Variants in DDAH1 observed in about 807,000 individuals in gnomAD.
The protein encoded by DDAH1 is N(G),N(G)-dimethylarginine dimethylaminohydrolase 1.
DDAH1 carries 19 observed loss-of-function variants against 28.8 expected under a neutral mutation model. That is an observed-to-expected ratio of 0.66 (90% CI 0.46 to 0.97). The LOEUF (loss-of-function observed/expected upper bound fraction) is 0.97. Among genes scored for constraint, DDAH1 ranks in the 50% least tolerant of loss-of-function variants. The pLI is 0.00. For missense variants in DDAH1, 326 were observed against 375.9 expected, an observed-to-expected ratio of 0.87 and a Z score of 1.10; for synonymous variants, 153 against 154.4, an observed-to-expected ratio of 0.99 and a Z score of 0.07.
chr1:85,465,306 G>A (rs2100695748), upstream of DDAH1: 3 of 786,930 alleles, frequency 3.8e-6, no homozygotes, highest in African/African-American at 1.9e-5. Context: ...TTGTAGCGGC[G>A]AGCGCCGGGC....
At chr1:85,552,866 G>A (rs1658838043) in intron 1 of DDAH1, among the ~76,000 whole-genome samples, 1 of 152,028 alleles carries the variant, frequency 6.6e-6, no homozygotes, top group African/African-American at 2.4e-5. Flanking sequence ...CTCTTCTATA[G>A]GTAGCCTCGC....
chr1:85,378,610 T>C (rs1343415662), intron 1 of DDAH1, among the ~76,000 whole-genome samples: 1 of 152,152 alleles, frequency 6.6e-6, no homozygotes, highest in African/African-American at 2.4e-5. Flanking sequence ...GTTTTCACCA[T>C]GTTGCCCAGG....
intron 5 of DDAH1, 125 bp downstream of exon 5, chr1:85,324,615 T>C: frequency 3.6e-6 from 4 of 1,102,014 alleles, no homozygotes; most frequent in Non-Finnish European, 5.2e-6. Flanking sequence ...AATTGTATTA[T>C]CCTTTCTTTT....
chr1:85,377,525 T>C (rs1251901452), intron 1 of DDAH1, among the ~76,000 whole-genome samples: 2 of 152,132 alleles, frequency 1.3e-5, no homozygotes, highest in African/African-American at 4.8e-5. Flanking sequence ...CATGGTACTC[T>C]GATATTAGGC....
At chr1:85,403,205 A>G (rs1652234373) in intron 1 of DDAH1, among the ~76,000 whole-genome samples, 1 of 145,664 alleles carries the variant, frequency 6.9e-6, no homozygotes, top group Non-Finnish European at 1.5e-5. Flanking sequence ...ATATGAATAT[A>G]TATATGAATA....
intron 1 of DDAH1, among the ~76,000 whole-genome samples, chr1:85,552,820 T>C (rs1392282904): frequency 6.6e-6 from 1 of 152,202 alleles, no homozygotes; most frequent in Non-Finnish European, 1.5e-5. Context: ...AAGTAGATTA[T>C]ATTTTCCAAA....
At chr1:85,350,361 A>T (rs1649127683) in intron 4 of DDAH1, 54 bp downstream of exon 4, 3 of 1,585,904 alleles carry the variant, frequency 1.9e-6, no homozygotes, top group Admixed American at 1.8e-5. Context: ...AATGTGAAAA[A>T]CCCTGTGGCA....
intron 1 of DDAH1, among the ~76,000 whole-genome samples, chr1:85,396,526 A>G (rs1557576939): frequency 6.6e-6 from 1 of 152,114 alleles, no homozygotes; most frequent in Non-Finnish European, 1.5e-5. Context: ...CCATGACCCA[A>G]ACACCTCCCA....
chr1:85,566,843 A>T (rs1468022837), intron 1 of DDAH1, among the ~76,000 whole-genome samples: 1 of 152,040 alleles, frequency 6.6e-6, no homozygotes, highest in Non-Finnish European at 1.5e-5. Context: ...TATTATAAGG[A>T]ATTGGCTTAT....
At chr1:85,548,682 A>G (rs1658700023) in intron 1 of DDAH1, among the ~76,000 whole-genome samples, 2 of 152,206 alleles carry the variant, frequency 1.3e-5, no homozygotes, top group Admixed American at 6.5e-5. Flanking sequence ...AAATTCTATC[A>G]TTCTATAATT....
At chr1:85,438,080 G>C (rs1440926486) in intron 1 of DDAH1, among the ~76,000 whole-genome samples, 2 of 152,208 alleles carry the variant, frequency 1.3e-5, no homozygotes, top group African/African-American at 4.8e-5. Context: ...TGCAGAAACA[G>C]AAAACCAAAT....
chr1:85,500,135 TTTCTTTCTTTCTTTTC>T (rs1220641985), intron 1 of DDAH1, among the ~76,000 whole-genome samples: 6 of 55,714 alleles, frequency 1.1e-4, no homozygotes, highest in African/African-American at 2.4e-4. Context: ...TCTTTCTTTC[TTTCTTTCTTTCTTTTC>T]TTTCTTTCTT....
chr1:85,445,614 T>C (rs2100660628), intron 1 of DDAH1, among the ~76,000 whole-genome samples: 1 of 152,296 alleles, frequency 6.6e-6, no homozygotes, highest in Admixed American at 6.5e-5. Context: ...TTTACTTACC[T>C]ACTTATTTAT....
intron 1 of DDAH1, among the ~76,000 whole-genome samples, chr1:85,553,869 G>A (rs534162825): frequency 2.8e-4 from 43 of 152,318 alleles, no homozygotes; most frequent in Non-Finnish European, 5.3e-4. Flanking sequence ...AAAGGCTGCA[G>A]AGTTGGAGCT....
In DDAH1 at chr1:85,566,967, T is replaced by C. The variant is rs371943372; in HGVS notation, c.-123+11017A>G. The stretch of plus-strand genomic sequence containing the variant: ...CAGCAGGCTTGAAACCTATGAAGAA[T>C]CAATGTGTCAGATTGAGACTGAAGG... On this transcript the variant is annotated intron_variant, in intron 1 of 6. Coordinates refer to the DDAH1 transcript ENST00000426972. 5.3e-5 allele frequency among the ~76,000 whole-genome samples: 8 copies of C among 152,240 alleles called. No homozygotes were observed. In the South Asian group the frequency reaches 1.7e-3, roughly 32 times the overall value.
intron 1 of DDAH1, among the ~76,000 whole-genome samples, chr1:85,566,774 A>ATGTG (rs147913088): frequency 5.9e-5 from 9 of 151,552 alleles, no homozygotes; most frequent in African/African-American, 1.9e-4. Flanking sequence ...GTATGTATAT[A>ATGTG]TGTGTGTGTG....
At chr1:85,434,346 A>G (rs1435138879) in intron 1 of DDAH1, among the ~76,000 whole-genome samples, 1 of 151,760 alleles carries the variant, frequency 6.6e-6, no homozygotes, top group Admixed American at 6.6e-5. Flanking sequence ...TGACTATGAC[A>G]TTTCTTTAAT....
At chr1:85,329,258 A>G (rs887508455) in intron 4 of DDAH1, among the ~76,000 whole-genome samples, 6 of 152,210 alleles carry the variant, frequency 3.9e-5, no homozygotes, top group African/African-American at 1.4e-4. Flanking sequence ...CTCAGAAAGT[A>G]CCACGTGTCA....
chr1:85,504,979 T>TCCGAGA (rs1656962034), intron 1 of DDAH1, among the ~76,000 whole-genome samples: 2 of 51,968 alleles, frequency 3.8e-5, no homozygotes, highest in African/African-American at 1.3e-4. Flanking sequence ...TTTTTTTTTT[T>TCCGAGA]TTTTTTTTTT....
Sources: allele counts gnomAD v4.1 joint callset (sites outside exome capture counted in the v4.1 genomes callset), GRCh38; gene constraint gnomAD v4.1.1; transcripts MANE v1.5; gene names NCBI Gene and HGNC (gene_info 2026-07-23, HGNC 2026-07-21).